Variants in NF1 observed in about 807,000 individuals in gnomAD.
NF1 encodes neurofibromin 1.
NF1 carries 122 observed loss-of-function variants against 325.7 expected under a neutral mutation model. The ratio of observed to expected loss-of-function variants is 0.37; its 90% CI spans 0.32 to 0.44. The LOEUF is 0.44. Among genes scored for constraint, NF1 ranks in the 20% least tolerant of loss-of-function variants. NF1 has a pLI of 1.00. For missense variants in NF1, 2,140 were observed against 3,415.4 expected (o/e 0.63, Z 9.31); for synonymous variants, 1,091 against 1,186.0 (o/e 0.92, Z 1.65).
intron 1 of NF1, among the ~76,000 whole-genome samples, chr17:31,103,895 A>C (rs1052053333): frequency 6.6e-6 from 1 of 152,202 alleles, no homozygotes; most frequent in South Asian, 2.1e-4. Context: ...AAATTAGCCA[A>C]GTGTGGTAGT....
chr17:31,215,201 G>A (rs940863640), intron 13 of NF1, among the ~76,000 whole-genome samples: 4 of 152,026 alleles, frequency 2.6e-5, no homozygotes, highest in South Asian at 4.2e-4. Context: ...CACTGCCTTC[G>A]AACTCCTGAC....
At chr17:31,116,734 C>G (rs1011595337) in intron 1 of NF1, among the ~76,000 whole-genome samples, 3 of 147,768 alleles carry the variant, frequency 2.0e-5, no homozygotes, top group Admixed American at 1.3e-4. Context: ...GTGGCGCCAT[C>G]TCCGCTCACT....
At chr17:31,308,119 TTC>T (rs1280097061) in intron 36 of NF1, among the ~76,000 whole-genome samples, 3 of 152,094 alleles carry the variant, frequency 2.0e-5, no homozygotes, top group Non-Finnish European at 2.9e-5. Context: ...AGGGTTTAAT[TTC>T]TGTTAAGATA....
chr17:31,377,227 CAAA>C lies in NF1; in HGVS notation c.*3077_*3079del, dbSNP rs1008200064. 4.3e-6 allele frequency: 1 copy of C among 232,776 alleles called. No individual in the cohort carries two copies. The highest frequency in any genetic ancestry group is 2.2e-5 in the African/African-American group (1 of 45,100). The allele number at this position is 232,776 out of a possible 1,614,324, so 14.4% of individuals were successfully genotyped here. ...TGTAAATAGTTTGTGTAAAATTTGA[CAAA>C]AAAAGTATATTTACTATACTGTAAA... is the stretch of plus-strand genomic sequence containing the variant. On this transcript the variant is annotated 3_prime_UTR_variant, in exon 58 of 58. Transcript: ENST00000358273.
chr17:31,262,738 T>C (rs1179666436), intron 35 of NF1, among the ~76,000 whole-genome samples: 1 of 152,174 alleles, frequency 6.6e-6, no homozygotes, highest in Non-Finnish European at 1.5e-5. Context: ...AATGTATGGG[T>C]ATATAGTGTC....
chr17:31,366,377 T>C (rs2070521329), intron 57 of NF1, among the ~76,000 whole-genome samples: 1 of 152,218 alleles, frequency 6.6e-6, no homozygotes, highest in Non-Finnish European at 1.5e-5. Flanking sequence ...TCCATTTTTA[T>C]TTCTGGCCTT....
chr17:31,287,418 A>G (rs960633123), intron 36 of NF1, among the ~76,000 whole-genome samples: 4 of 152,236 alleles, frequency 2.6e-5, no homozygotes, highest in South Asian at 2.1e-4. Context: ...ACTTTATGTC[A>G]TGCTCTGCTG....
Position 31,095,022 on chromosome 17 carries a change from T to G in NF1, c.-288T>G, listed in dbSNP as rs970446436. On this transcript the variant is annotated 5_prime_UTR_variant, in exon 1 of 58. Transcript: ENST00000358273. ...GCGGCGTCTCGGACTGTGATGGCTG[T>G]GGGGAGACGGCGCTAGTGGGGAGAG... 6 of 581,556 alleles carry G rather than the reference T, an allele frequency of 1.0e-5. No homozygotes were observed. Among genetic ancestry groups the G allele is most frequent in the Non-Finnish European group, 1.8e-5 (6 of 326,368 alleles). 36.0% of individuals were successfully genotyped at this position (581,556 alleles called of 1,614,324 possible).
At chr17:31,355,572 G>C (rs1048440591) in intron 51 of NF1, among the ~76,000 whole-genome samples, 4 of 152,176 alleles carry the variant, frequency 2.6e-5, no homozygotes, top group Non-Finnish European at 4.4e-5. Flanking sequence ...CTGTTGGCCG[G>C]GCATGGTGGC....
At chr17:31,324,891 C>T (rs1321830805) in intron 36 of NF1, among the ~76,000 whole-genome samples, 3 of 152,190 alleles carry the variant, frequency 2.0e-5, no homozygotes, top group Non-Finnish European at 4.4e-5. Flanking sequence ...CATTAACCAA[C>T]CTCTGAGGTA....
chr17:31,364,631 A>G (rs549938880), intron 57 of NF1, among the ~76,000 whole-genome samples: 6 of 152,342 alleles, frequency 3.9e-5, no homozygotes, highest in African/African-American at 9.6e-5. Flanking sequence ...GTCTCTGAAA[A>G]TGCATTCTTC....
intron 1 of NF1, among the ~76,000 whole-genome samples, chr17:31,148,394 CT>C (rs71142023): frequency 7.8e-4 from 105 of 134,386 alleles, no homozygotes; most frequent in African/African-American, 1.8e-3. Flanking sequence ...GTCATTATGT[CT>C]TTTTTTTTTT....
At position 31,349,109 on chromosome 17, in the gene NF1, G is replaced by GT. The variant is rs769290414; in HGVS notation, c.7190-5dup. ...TACTTGTTTGTTTGTTTGTTTGTTT[G>GT]TTTTTTGTAGGGTACAGGCATCCTT... On this transcript the variant is annotated splice_polypyrimidine_tract_variant and intron_variant, in intron 48 of 57. Transcript: ENST00000358273. 12 of 1,568,774 alleles carry GT rather than the reference G, an allele frequency of 7.6e-6. No individual in the cohort carries two copies. The East Asian group carries it at 2.1e-4, about 28-fold the overall frequency.
At chr17:31,224,245 G>C (rs1166717636) in intron 16 of NF1, among the ~76,000 whole-genome samples, 1 of 152,144 alleles carries the variant, frequency 6.6e-6, no homozygotes, top group Admixed American at 6.5e-5. Context: ...GTGGAAGATA[G>C]AGAAGAGCCT....
At chr17:31,232,655 T>C (rs1333898831) in intron 25 of NF1, 45 bp from the exon 26 acceptor site, 2 of 1,569,876 alleles carry the variant, frequency 1.3e-6, no homozygotes, top group East Asian at 4.5e-5. Context: ...GCTTTCTAGT[T>C]GATACGGCCT....
At position 31,229,232 on chromosome 17, in the gene NF1, C is replaced by T. The variant is rs199474739; in HGVS notation, c.2617C>T (p.Arg873Cys). The change falls in exon 21 of 58, where the codon CGT becomes TGT. Residue 873 changes from arginine (R) to cysteine (C), a missense_variant. Coordinates refer to ENST00000358273, the MANE Select transcript of NF1 (RefSeq NM_001042492.3). ...CCCACCCATGGGTCCAGTCAGTGAA[C>T]GTAAGGGTTCTATGATTTCAGTGAT... The part of the protein sequence containing the change: ...YSPPMGPVSE[R>C]KGSMISVMSS... The T allele has an allele frequency of 1.2e-5, 20 of 1,612,126 alleles. No homozygotes were observed. Among genetic ancestry groups the T allele is most frequent in the South Asian group, 2.2e-5 (2 of 90,998 alleles).
At position 31,356,953 on chromosome 17, in the gene NF1, G is replaced by C. The variant is rs1446289520; in HGVS notation, c.7739-7G>C. 1 of 1,613,632 alleles carries C rather than the reference G, an allele frequency of 6.2e-7. No homozygotes were observed. ...TTTGATCACGTTAATTCCCTATCTT[G>C]CTGCAGAAACTCAGAGGATTTCCTC... On this transcript the variant is annotated splice_region_variant and splice_polypyrimidine_tract_variant and intron_variant, in intron 52 of 57. Coordinates refer to ENST00000358273, the MANE Select transcript of NF1 (RefSeq NM_001042492.3).
chr17:31,229,601 C>A (rs2067077657), intron 21 of NF1, 136 bp downstream of exon 21: 3 of 1,116,038 alleles, frequency 2.7e-6, no homozygotes, highest in South Asian at 2.7e-5. Flanking sequence ...AAAGAAGAGT[C>A]ATCTCAATGT....
rs190659868 is a variant in NF1, at chr17:31,300,943, C to T, written c.4836-24877C>T. Among the ~76,000 whole-genome samples the T allele has an allele frequency of 3.9e-5, 6 of 152,192 alleles. No homozygotes were observed. In the East Asian group the frequency reaches 1.2e-3, roughly 29 times the overall value. ...TTTAAAGACCATTTAAATGTTTTCT[C>T]CTGTAACTGTCTTTTTAATGTTTTG... On this transcript the variant is annotated intron_variant, in intron 36 of 57. Transcript: ENST00000358273.
Sources: gnomAD v4.1 joint callset for allele counts (sites outside exome capture counted in the v4.1 genomes callset) on GRCh38, gnomAD v4.1.1 for gene constraint, MANE v1.5 for transcripts, NCBI Gene and HGNC (gene_info 2026-07-23, HGNC 2026-07-21) for gene names.